The following SLMAP variants were observed in gnomAD, a reference collection of about 807,000 sequenced individuals.
SLMAP encodes sarcolemma associated protein.
SLMAP carries 44 observed loss-of-function variants against 128.8 expected under a neutral mutation model. That is an observed-to-expected ratio of 0.34 (90% CI 0.27 to 0.44). The LOEUF is 0.44. SLMAP is among the 20% of genes least tolerant of loss of function. The pLI, the probability that SLMAP is intolerant of heterozygous loss-of-function variation, is 1.00. For synonymous variants in SLMAP, 327 were observed against 348.8 expected, an observed-to-expected ratio of 0.94 and a Z score of 0.70; for missense variants, 787 against 985.3, an observed-to-expected ratio of 0.80 and a Z score of 2.69.
At chr3:57,900,165 G>A (rs2096341666) in intron 17 of SLMAP, 1 of 151,936 alleles carries the variant, frequency 6.6e-6, no homozygotes. Flanking sequence ...CTGACTTCCC[G>A]AACCATTATT....
At chr3:57,909,277 G>A in intron 19 of SLMAP, 127 bp downstream of exon 19, 1 of 648,974 alleles carries the variant, frequency 1.5e-6, no homozygotes, top group South Asian at 2.0e-5. Context: ...CGAGAAGGGT[G>A]GATCTCCTGA....
chr3:57,832,633 T>TA (rs1269322379), intron 3 of SLMAP, among the ~76,000 whole-genome samples: 1 of 152,184 alleles, frequency 6.6e-6, no homozygotes, highest in Non-Finnish European at 1.5e-5. Flanking sequence ...GATCTGGTGA[T>TA]ACTGGTCAGA....
chr3:57,809,809 A>G (rs1209404172), intron 2 of SLMAP, among the ~76,000 whole-genome samples: 1 of 152,150 alleles, frequency 6.6e-6, no homozygotes, highest in Non-Finnish European at 1.5e-5. Context: ...GGAGCTATCC[A>G]CTTCAGGGCC....
chr3:57,894,132 A>AAT (rs139430300), intron 15 of SLMAP, among the ~76,000 whole-genome samples: 184 of 151,540 alleles, frequency 1.2e-3, no homozygotes, highest in Non-Finnish European at 1.9e-3. Flanking sequence ...ATTTTAAAAC[A>AAT]ATATATATAT....
chr3:57,925,970 C>T, intron 24 of SLMAP, 36 bp downstream of exon 24: 1 of 1,434,006 alleles, frequency 7.0e-7, no homozygotes. Context: ...GTCTGTTTGT[C>T]CCCGTCACCT....
At chr3:57,925,738 T>G in intron 23 of SLMAP, 107 bp from the exon 24 acceptor site, 2 of 734,450 alleles carry the variant, frequency 2.7e-6, no homozygotes. Flanking sequence ...GGTATACTTC[T>G]ATTATTTCAT....
At chr3:57,874,606 T>A (rs2095560404) in intron 14 of SLMAP, among the ~76,000 whole-genome samples, 1 of 151,132 alleles carries the variant, frequency 6.6e-6, no homozygotes, top group Non-Finnish European at 1.5e-5. Context: ...ACGCCTGTAA[T>A]CCCAACACTT....
intron 4 of SLMAP, among the ~76,000 whole-genome samples, chr3:57,843,912 CT>C (rs1331308116): frequency 6.6e-6 from 1 of 150,672 alleles, no homozygotes; most frequent in Admixed American, 6.7e-5. Flanking sequence ...TCCCAAGTAG[CT>C]GGGATTACAG....
intron 14 of SLMAP, among the ~76,000 whole-genome samples, chr3:57,872,192 C>T (rs898352683): frequency 6.6e-5 from 10 of 152,152 alleles, no homozygotes; most frequent in African/African-American, 2.4e-4. Flanking sequence ...ATCGCAGCTA[C>T]GTGGGAGGCT....
At chr3:57,803,525 T>C (rs2089094017) in intron 2 of SLMAP, among the ~76,000 whole-genome samples, 3 of 152,378 alleles carry the variant, frequency 2.0e-5, no homozygotes, top group South Asian at 4.1e-4. Flanking sequence ...ATGTAAAATG[T>C]TGAAATAACT....
At chr3:57,818,664 A>G (rs559774854) in intron 2 of SLMAP, among the ~76,000 whole-genome samples, 50 of 152,318 alleles carry the variant, frequency 3.3e-4, no homozygotes, top group Admixed American at 2.0e-3. Flanking sequence ...TCTTGTTAAA[A>G]CTTCTGTATA....
rs1433883479 is a variant in SLMAP at position 57,919,230 on chromosome 3, A to G, written c.2310+2153A>G. On this transcript the variant is annotated intron_variant, in intron 22 of 24. Coordinates refer to ENST00000671191, the MANE Select transcript of SLMAP (RefSeq NM_001377540.1). Reference sequence around the variant, plus strand: ...ACCCCGTCTATACTAAAAATACAAAAATTAGCCAGGCATGATGGCATGCGC... The same window carrying G: ...ACCCCGTCTATACTAAAAATACAAAGATTAGCCAGGCATGATGGCATGCGC... Among the ~76,000 whole-genome samples, 4 of 152,066 alleles carry G rather than the reference A, an allele frequency of 2.6e-5. No homozygotes were observed. In the East Asian group the frequency reaches 7.7e-4, roughly 29 times the overall value.
rs2094480763 is a variant in SLMAP at position 57,851,068 on chromosome 3, A to C, written c.519+1252A>C. ...ACTTTACCTATATTATTTAATTCTC[A>C]CAACAGTCTTACAAGGTGCATATTT... On this transcript the variant is annotated intron_variant, in intron 6 of 24. Transcript: ENST00000671191. Among the ~76,000 whole-genome samples, 3 of 152,220 alleles carry C rather than the reference A, an allele frequency of 2.0e-5. No homozygotes were observed. In the South Asian group the frequency reaches 6.2e-4, roughly 32 times the overall value.
At chr3:57,828,781 GA>G (rs1341833721) in intron 2 of SLMAP, among the ~76,000 whole-genome samples, 2 of 151,970 alleles carry the variant, frequency 1.3e-5, no homozygotes, top group East Asian at 1.9e-4. Context: ...ATTGATGTAA[GA>G]AAAAAAATTT....
intron 14 of SLMAP, among the ~76,000 whole-genome samples, chr3:57,875,514 A>G (rs1488105948): frequency 6.6e-6 from 1 of 152,240 alleles, no homozygotes; most frequent in Non-Finnish European, 1.5e-5. Context: ...GACCTGTCTC[A>G]GAAAACAAAA....
At chr3:57,915,310 G>GTT (rs1395218174) in intron 21 of SLMAP, among the ~76,000 whole-genome samples, 1 of 152,238 alleles carries the variant, frequency 6.6e-6, no homozygotes, top group Non-Finnish European at 1.5e-5. Flanking sequence ...CTCCTAGTGA[G>GTT]TAGAAGCACA....
intron 2 of SLMAP, among the ~76,000 whole-genome samples, chr3:57,796,182 G>T (rs577362233): frequency 6.1e-4 from 93 of 152,170 alleles, no homozygotes; most frequent in African/African-American, 2.2e-3. Flanking sequence ...ACTATCAAAG[G>T]TTTTATGGGA....
At chr3:57,785,333 C>T (rs1329478909) in intron 2 of SLMAP, among the ~76,000 whole-genome samples, 2 of 151,986 alleles carry the variant, frequency 1.3e-5, no homozygotes, top group Non-Finnish European at 2.9e-5. Context: ...CCTTTTATGC[C>T]CAAATCAGTT....
chr3:57,872,196 G>A (rs544083245), intron 14 of SLMAP, among the ~76,000 whole-genome samples: 1 of 152,190 alleles, frequency 6.6e-6, no homozygotes, highest in Admixed American at 6.5e-5. Context: ...CAGCTACGTG[G>A]GAGGCTGAGG....
Sources: gnomAD v4.1 joint callset for allele counts (sites outside exome capture counted in the v4.1 genomes callset) on GRCh38, gnomAD v4.1.1 for gene constraint, MANE v1.5 for transcripts, NCBI Gene and HGNC (gene_info 2026-07-23, HGNC 2026-07-21) for gene names.